DGKG: variants seen among roughly 807,000 people sequenced by gnomAD.
DGKG encodes DAG kinase gamma.
A neutral mutation model predicts 105.3 loss-of-function variants in DGKG; 78 were observed. That is an observed-to-expected ratio of 0.74 (90% CI 0.62 to 0.89). The LOEUF (loss-of-function observed/expected upper bound fraction) is 0.89, where lower values mean the gene tolerates loss of function less well. Ranked by LOEUF, DGKG falls within the 40% of genes least tolerant of loss-of-function variation. The pLI is 0.00. For synonymous variants in DGKG, 346 were observed against 367.1 expected, an observed-to-expected ratio of 0.94 and a Z score of 0.66; for missense variants, 958 against 1,020.1, an observed-to-expected ratio of 0.94 and a Z score of 0.83.
intron 1 of DGKG, among the ~76,000 whole-genome samples, chr3:186,324,022 C>T (rs1310468886): frequency 2.7e-5 from 4 of 148,776 alleles, no homozygotes; most frequent in Admixed American, 6.8e-5. Flanking sequence ...GCAGGAGAAT[C>T]GCTTGAACCA....
At position 186,281,544 on chromosome 3, in the gene DGKG, G is replaced by T. The variant is rs189519256; in HGVS notation, c.595-800C>A. ...GGACATGTTGGTAGACTGAAGCAAGGTTCAAAAGTGTTACCTCTGCCAGAT... is the reference window on the plus strand; with the variant it reads ...GGACATGTTGGTAGACTGAAGCAAGTTTCAAAAGTGTTACCTCTGCCAGAT... On this transcript the variant is annotated intron_variant, in intron 7 of 24. Coordinates refer to ENST00000265022, the MANE Select transcript of DGKG (RefSeq NM_001346.3). Among the ~76,000 whole-genome samples, 19 of 152,302 alleles carry T rather than the reference G, an allele frequency of 1.2e-4. No homozygotes were observed. The East Asian group carries it at 3.3e-3, about 26-fold the overall frequency.
At chr3:186,242,625 G>A (rs12489063) in intron 19 of DGKG, 57 bp from the exon 20 acceptor site, 1,144,073 of 1,482,708 alleles carry the variant, frequency 0.77, 453,888 homozygotes, top group East Asian at 0.93. Flanking sequence ...AGTGCAGTGC[G>A]GAGGGAAGGG....
chr3:186,181,923 A>G (rs2108495192), intron 22 of DGKG, among the ~76,000 whole-genome samples: 1 of 152,310 alleles, frequency 6.6e-6, no homozygotes, highest in Admixed American at 6.5e-5. Flanking sequence ...AGGATCAGTG[A>G]AGAGTCTGAG....
intron 24 of DGKG, among the ~76,000 whole-genome samples, chr3:186,152,961 C>CTTTTT (rs10579014): frequency 1.6e-5 from 2 of 124,500 alleles, no homozygotes; most frequent in African/African-American, 2.9e-5. Flanking sequence ...CGCGCCCGGC[C>CTTTTT]TTTTTTTTTT....
At position 186,313,285 on chromosome 3, in the gene DGKG, A is replaced by C. The variant is rs568401365; in HGVS notation, c.68-6308T>G. 7.4e-4 allele frequency among the ~76,000 whole-genome samples: 112 copies of C among 152,360 alleles called. 1 individual carries two copies. The highest frequency in any genetic ancestry group is 1.2e-3 in the Non-Finnish European group (83 of 68,030). Reference sequence around the variant, plus strand: ...GAGGCTGAGGACCACTGACATGTGGAAGTGATGGCTCTGACACAGATGTTA... The same window carrying C: ...GAGGCTGAGGACCACTGACATGTGGCAGTGATGGCTCTGACACAGATGTTA... On this transcript the variant is annotated intron_variant, in intron 2 of 24. Coordinates refer to ENST00000265022, the MANE Select transcript of DGKG (RefSeq NM_001346.3).
At chr3:186,196,121 C>T (rs1327567609) in intron 21 of DGKG, among the ~76,000 whole-genome samples, 1 of 147,848 alleles carries the variant, frequency 6.8e-6, no homozygotes, top group Non-Finnish European at 1.5e-5. Flanking sequence ...AAAAGGATCT[C>T]TCTCTCTTTT....
intron 21 of DGKG, among the ~76,000 whole-genome samples, chr3:186,208,411 T>C (rs2108517203): frequency 1.4e-5 from 2 of 142,780 alleles, no homozygotes. Context: ...ACCATCCAAC[T>C]TTTTACCAGA....
intron 3 of DGKG, among the ~76,000 whole-genome samples, chr3:186,305,316 T>A (rs570217588): frequency 3.3e-5 from 5 of 152,080 alleles, no homozygotes; most frequent in African/African-American, 1.2e-4. Flanking sequence ...TAATGGACAA[T>A]GTGATGTGCT....
rs146357474 is a variant in DGKG, at chr3:186,210,909, G to A, written c.1917+886C>T. Among the ~76,000 whole-genome samples the A allele has an allele frequency of 6.2e-4, 95 of 152,358 alleles. 1 individual carries two copies. In the East Asian group the frequency reaches 0.015, roughly 24 times the overall value. Reference sequence around the variant, plus strand: ...GAACCAATGGGCGTAAAGTCCCACGGAGCAGGTGTGCATAGAAGTTTGGGC... The same window carrying A: ...GAACCAATGGGCGTAAAGTCCCACGAAGCAGGTGTGCATAGAAGTTTGGGC... On this transcript the variant is annotated intron_variant, in intron 21 of 24. Coordinates refer to ENST00000265022, the MANE Select transcript of DGKG (RefSeq NM_001346.3). The surrounding 1 kb of genome is among the most constrained non-coding windows in gnomAD (Gnocchi z 5.2).
chr3:186,208,557 G>A lies in DGKG; in HGVS notation c.1917+3238C>T, dbSNP rs186449688. On this transcript the variant is annotated intron_variant, in intron 21 of 24. Transcript: ENST00000265022. ...CTAAGTTCCCTCAACCGTAAAGTGA[G>A]GACATTAATATTGGCCCTGCCTGTT... is the stretch of plus-strand genomic sequence containing the variant. 1.4e-3 allele frequency among the ~76,000 whole-genome samples: 206 copies of A among 152,306 alleles called. 2 individuals carry two copies. The highest frequency in any genetic ancestry group is 4.3e-3 in the African/African-American group (177 of 41,574).
intron 1 of DGKG, among the ~76,000 whole-genome samples, chr3:186,353,719 G>C (rs1346864620): frequency 7.8e-6 from 1 of 127,482 alleles, no homozygotes; most frequent in Non-Finnish European, 1.8e-5. Context: ...AGTGGACTCT[G>C]TTCCACTCAG....
intron 22 of DGKG, among the ~76,000 whole-genome samples, chr3:186,171,206 GT>G (rs1472038988): frequency 9.9e-5 from 15 of 152,072 alleles, no homozygotes; most frequent in African/African-American, 1.4e-4. Flanking sequence ...CTGTGTTCTT[GT>G]TTTGTTTATC....
intron 1 of DGKG, among the ~76,000 whole-genome samples, chr3:186,346,093 C>A (rs1018144377): frequency 1.3e-5 from 2 of 152,162 alleles, no homozygotes; most frequent in African/African-American, 4.8e-5. Context: ...ACTTGATGTA[C>A]AAATTATTAG....
chr3:186,360,345 C>T (rs1247620861), intron 1 of DGKG, among the ~76,000 whole-genome samples: 2 of 152,076 alleles, frequency 1.3e-5, no homozygotes, highest in Non-Finnish European at 2.9e-5. Context: ...AAAGCCCCTC[C>T]CAGAAAAATA....
At chr3:186,334,419 G>A (rs929322815) in intron 1 of DGKG, among the ~76,000 whole-genome samples, 8 of 152,168 alleles carry the variant, frequency 5.3e-5, no homozygotes, top group African/African-American at 1.7e-4. Context: ...GAAGGCTCTG[G>A]GTAGCCAGGT....
chr3:186,345,600 A>G (rs1726291064), intron 1 of DGKG, among the ~76,000 whole-genome samples: 1 of 152,206 alleles, frequency 6.6e-6, no homozygotes, highest in African/African-American at 2.4e-5. Flanking sequence ...TCATAATTGA[A>G]CCAAGGAATT....
intron 3 of DGKG, 152 bp downstream of exon 3, chr3:186,306,749 C>T: frequency 1.6e-6 from 1 of 615,278 alleles, no homozygotes; most frequent in Non-Finnish European, 2.9e-6. Flanking sequence ...CATATAATGC[C>T]AGGTAGCACA....
chr3:186,170,450 T>C (rs1375101292), intron 22 of DGKG, among the ~76,000 whole-genome samples: 1 of 152,182 alleles, frequency 6.6e-6, no homozygotes, highest in Non-Finnish European at 1.5e-5. Context: ...CCCAGCAGTC[T>C]GTGTTCTGAC....
chr3:186,167,240 G>A (rs183007540), intron 22 of DGKG, among the ~76,000 whole-genome samples: 204 of 152,288 alleles, frequency 1.3e-3, no homozygotes, highest in Non-Finnish European at 1.8e-3. Context: ...TTTCCCTGGT[G>A]TAGAGAGGCT....
Sources: allele counts gnomAD v4.1 joint callset (sites outside exome capture counted in the v4.1 genomes callset), GRCh38; gene constraint gnomAD v4.1.1; non-coding constraint Gnocchi (gnomAD v3.1); transcripts MANE v1.5; gene names NCBI Gene and HGNC (gene_info 2026-07-23, HGNC 2026-07-21).